Variants in AREL1 observed in about 807,000 individuals in gnomAD.
The protein encoded by AREL1 is apoptosis-resistant E3 ubiquitin protein ligase 1.
Under a neutral mutation model 99.0 loss-of-function variants are expected in AREL1, and 62 were observed. The ratio of observed to expected loss-of-function variants is 0.63; its 90% CI spans 0.51 to 0.77. The LOEUF (loss-of-function observed/expected upper bound fraction) is 0.77. Among genes scored for constraint, AREL1 ranks in the 30% least tolerant of loss-of-function variants. The probability of loss-of-function intolerance (pLI) is 0.00; values close to 1 mark genes in which losing one functional copy is unlikely to be tolerated. For synonymous variants in AREL1, 380 were observed against 376.5 expected (o/e 1.01, Z -0.11); for missense variants, 879 against 1,027.6 (o/e 0.86, Z 1.98).
At chr14:74,686,886 A>G (rs2089760042) in intron 2 of AREL1, among the ~76,000 whole-genome samples, 1 of 152,214 alleles carries the variant, frequency 6.6e-6, no homozygotes, top group Admixed American at 6.5e-5. Context: ...AGGGTCTATT[A>G]CAGACAATAT....
intron 5 of AREL1, among the ~76,000 whole-genome samples, chr14:74,680,197 G>GA (rs1421021100): frequency 1.3e-5 from 2 of 149,242 alleles, no homozygotes; most frequent in African/African-American, 4.9e-5. Flanking sequence ...AAAAAAGAAA[G>GA]AAAGAAAAGA....
chr14:74,685,618 G>A lies in AREL1; in HGVS notation c.-3C>T. 1 of 1,614,140 alleles carries A rather than the reference G, an allele frequency of 6.2e-7. No homozygotes were observed. ...AACGTACCAATAACGTAAAACATCA[G>A]GTCCCGTCAATGCCAACAGACAGCC... On this transcript the variant is annotated 5_prime_UTR_variant, in exon 3 of 20. Coordinates refer to ENST00000356357, the MANE Select transcript of AREL1 (RefSeq NM_001039479.2).
chr14:74,712,413 T>C (rs1022824537), intron 1 of AREL1, among the ~76,000 whole-genome samples: 2 of 152,142 alleles, frequency 1.3e-5, no homozygotes, highest in African/African-American at 4.8e-5. Flanking sequence ...AAGAAATAAG[T>C]TATCTCCAAA....
intron 1 of AREL1, among the ~76,000 whole-genome samples, chr14:74,696,535 T>A (rs2089982397): frequency 6.6e-6 from 1 of 152,220 alleles, no homozygotes; most frequent in Non-Finnish European, 1.5e-5. Flanking sequence ...TCTCTACTTC[T>A]AAAGTGCTAT....
chr14:74,669,520 A>G, intron 15 of AREL1, 129 bp downstream of exon 15: 1 of 1,181,134 alleles, frequency 8.5e-7, no homozygotes, highest in Non-Finnish European at 1.2e-6. Flanking sequence ...TATGTCACCC[A>G]CATTTTGGGT....
At chr14:74,668,508 G>A (rs1458853360) in intron 15 of AREL1, among the ~76,000 whole-genome samples, 1 of 151,976 alleles carries the variant, frequency 6.6e-6, no homozygotes, top group Non-Finnish European at 1.5e-5. Flanking sequence ...AGGAGACTGA[G>A]AAATAAATTA....
At chr14:74,664,157 A>C in intron 18 of AREL1, 83 bp from the exon 19 acceptor site, 2 of 1,465,970 alleles carry the variant, frequency 1.4e-6, no homozygotes, top group Non-Finnish European at 1.8e-6. Context: ...AGATACACTA[A>C]AGTGGGGCTG....
rs367984367 is a variant in AREL1 at position 74,713,056 on chromosome 14, G to A, written c.-457C>T. The A allele has an allele frequency of 1.2e-4, 174 of 1,509,974 alleles. No homozygotes were observed. In the African/African-American group the frequency reaches 1.8e-3, roughly 16 times the overall value. 93.5% of individuals were successfully genotyped at this position (1,509,974 alleles called of 1,614,324 possible). A position where few individuals can be genotyped will look rare whatever the true frequency, so the allele number is the denominator to read the frequency against. On this transcript the variant is annotated 5_prime_UTR_variant, in exon 1 of 20. Transcript: ENST00000356357. The stretch of plus-strand genomic sequence containing the variant: ...CAGACCCCAGAGTTGGTCTCCACCC[G>A]GCCTGGGAACCGGCTCGGGGGATTG...
At chr14:74,709,332 A>C (rs947431465) in intron 1 of AREL1, among the ~76,000 whole-genome samples, 1 of 152,250 alleles carries the variant, frequency 6.6e-6, no homozygotes, top group Non-Finnish European at 1.5e-5. Flanking sequence ...CTGATCTATT[A>C]CATGGTACTA....
intron 11 of AREL1, chr14:74,671,998 A>G (rs1019847230): frequency 2.4e-5 from 11 of 455,514 alleles, no homozygotes; most frequent in African/African-American, 2.2e-4. Context: ...CACTTTCTGG[A>G]CAGGAACCAA....
chr14:74,664,926 C>G lies in AREL1; in HGVS notation c.2104-1G>C. ...TGTCTCCAGTCCCACACATCAGCAG[C>G]TGGAAAAAGATGGTAAGGTGTTACT... On this transcript the variant is annotated splice_acceptor_variant, in intron 17 of 19. Transcript: ENST00000356357. LOFTEE classifies it high-confidence loss of function. 1 of 1,612,700 alleles carries G rather than the reference C, an allele frequency of 6.2e-7. No homozygotes were observed. Among genetic ancestry groups the G allele is most frequent in the Non-Finnish European group, 8.5e-7 (1 of 1,179,104 alleles).
intron 4 of AREL1, among the ~76,000 whole-genome samples, chr14:74,683,913 G>T (rs1455787452): frequency 6.6e-6 from 1 of 152,210 alleles, no homozygotes; most frequent in Non-Finnish European, 1.5e-5. Flanking sequence ...CACTGGCAAT[G>T]AGTGAACTAA....
rs190997529 is a variant in AREL1 at position 74,692,025 on chromosome 14, C to G, written c.-46+16G>C. 3 of 356,036 alleles carry G rather than the reference C, an allele frequency of 8.4e-6. No homozygotes were observed. The East Asian group carries it at 2.6e-4, about 31-fold the overall frequency. 22.1% of individuals were successfully genotyped at this position (356,036 alleles called of 1,614,324 possible). A position where few individuals can be genotyped will look rare whatever the true frequency, so the allele number is the denominator to read the frequency against. ...ACATCCCAATAACTAAAGCTTAACT[C>G]AGTCTGTTACCTTACCTTTAAACGA... On this transcript the variant is annotated intron_variant, in intron 2 of 19. Transcript: ENST00000356357.
intron 1 of AREL1, among the ~76,000 whole-genome samples, chr14:74,694,814 C>T (rs2089949625): frequency 6.6e-6 from 1 of 151,750 alleles, no homozygotes; most frequent in Non-Finnish European, 1.5e-5. Flanking sequence ...ACGGTGAAAT[C>T]CCGTCTCTAC....
chr14:74,672,840 C>T lies in AREL1; in HGVS notation c.1413G>A (p.Leu471=), dbSNP rs374847908. 1 of 1,614,162 alleles carries T rather than the reference C, an allele frequency of 6.2e-7. No homozygotes were observed. The highest frequency in any genetic ancestry group is 1.3e-5 in the African/African-American group (1 of 75,030). Residue 471 remains leucine (L), a synonymous_variant, in exon 11 of 20, where the codon TTG becomes TTA. Transcript: ENST00000356357. ...ATGAAATTTTACCTACCGATTCCAA[C>T]AAGGCATGTCTGCTGACCTTCAGGG... ...KVTLKVSRHA[L]LESSLKATRN...
At chr14:74,670,519 T>C (rs1392103014) in intron 13 of AREL1, 3 of 468,350 alleles carry the variant, frequency 6.4e-6, no homozygotes, top group Admixed American at 3.7e-5. Flanking sequence ...ATTAGTAGAG[T>C]AGACATTATA....
intron 12 of AREL1, 38 bp downstream of exon 12, chr14:74,671,358 CGAGTGGGGAGGA>C: frequency 5.4e-6 from 1 of 186,762 alleles, no homozygotes; most frequent in South Asian, 6.7e-5. Context: ...GGAGAAGGTG[CGAGTGGGGAGGA>C]GAGTTCAAAA....
At chr14:74,676,546 C>T in intron 6 of AREL1, 37 bp downstream of exon 6, 1 of 1,587,372 alleles carries the variant, frequency 6.3e-7, no homozygotes, top group Non-Finnish European at 8.6e-7. Flanking sequence ...GGAGCCAGCT[C>T]TCTCTAGCAC....
chr14:74,675,619 C>A, intron 8 of AREL1, 80 bp downstream of exon 8: 3 of 1,533,544 alleles, frequency 2.0e-6, no homozygotes, highest in Non-Finnish European at 2.6e-6. Context: ...CAGACTGTTA[C>A]TTTGTGGTTT....
Sources: gnomAD v4.1 joint callset for allele counts (sites outside exome capture counted in the v4.1 genomes callset) on GRCh38, gnomAD v4.1.1 for gene constraint, MANE v1.5 for transcripts, NCBI Gene and HGNC (gene_info 2026-07-23, HGNC 2026-07-21) for gene names.